TXNRD3: variants seen among roughly 807,000 people sequenced by gnomAD.
TXNRD3 encodes the protein TXNRD3 neighbor gene protein.
In TXNRD3, 68 loss-of-function variants were observed where a neutral mutation model predicts 78.2. The observed-to-expected ratio is 0.87, with a 90% CI of 0.72 to 1.06. The LOEUF is 1.06. Among genes scored for constraint, TXNRD3 ranks in the 50% least tolerant of loss-of-function variants. TXNRD3 has a pLI of 0.00. For missense variants in TXNRD3, 751 were observed against 809.5 expected (o/e 0.93, Z 0.88); for synonymous variants, 296 against 300.1 (o/e 0.99, Z 0.14).
At chr3:126,636,916 T>A (rs900708063) in intron 6 of TXNRD3, among the ~76,000 whole-genome samples, 1 of 150,718 alleles carries the variant, frequency 6.6e-6, no homozygotes, top group Admixed American at 6.6e-5. Flanking sequence ...ACATGAGGTT[T>A]CTTTTGTGAT....
chr3:126,634,501 C>A (rs1018863119), intron 6 of TXNRD3, among the ~76,000 whole-genome samples: 19 of 152,188 alleles, frequency 1.2e-4, no homozygotes, highest in Admixed American at 3.9e-4. Flanking sequence ...GTTCACAGGG[C>A]AGTGGTTTCA....
intron 5 of TXNRD3, among the ~76,000 whole-genome samples, chr3:126,643,703 A>C (rs1004722000): frequency 6.6e-6 from 1 of 151,074 alleles, no homozygotes; most frequent in South Asian, 2.1e-4. Flanking sequence ...CCTCACTAAG[A>C]CTCAGTTTCT....
At chr3:126,637,578 C>T (rs1037993571) in intron 6 of TXNRD3, among the ~76,000 whole-genome samples, 2 of 151,980 alleles carry the variant, frequency 1.3e-5, no homozygotes, top group Admixed American at 6.6e-5. Context: ...TAATTTCCTA[C>T]TTAAAATGTA....
chr3:126,631,019 G>A, intron 8 of TXNRD3, 82 bp from the exon 9 acceptor site: 1 of 1,303,356 alleles, frequency 7.7e-7, no homozygotes. Flanking sequence ...TAATGGTCTT[G>A]TGATGACTGA....
chr3:126,623,498 C>T (rs1353797689), intron 10 of TXNRD3, among the ~76,000 whole-genome samples: 2 of 152,036 alleles, frequency 1.3e-5, no homozygotes, highest in African/African-American at 2.4e-5. Context: ...GATAATTGTT[C>T]GTGATCAAGT....
At chr3:126,638,167 T>A (rs1932954426) in intron 6 of TXNRD3, among the ~76,000 whole-genome samples, 1 of 151,972 alleles carries the variant, frequency 6.6e-6, no homozygotes, top group Non-Finnish European at 1.5e-5. Flanking sequence ...ATGGTCTTGA[T>A]CTCCTGACCT....
At chr3:126,652,395 T>A (rs73197963) in intron 1 of TXNRD3, among the ~76,000 whole-genome samples, 52 of 152,302 alleles carry the variant, frequency 3.4e-4, no homozygotes, top group Middle Eastern at 3.4e-3. Flanking sequence ...AGGGATTACA[T>A]TTCAGTATTT....
intron 6 of TXNRD3, among the ~76,000 whole-genome samples, chr3:126,641,684 C>T (rs1933092490): frequency 1.3e-5 from 2 of 152,116 alleles, no homozygotes; most frequent in African/African-American, 4.8e-5. Flanking sequence ...ATATATATAA[C>T]CACTGAGAAA....
Position 126,607,323 on chromosome 3 carries a change from A to G in TXNRD3, c.*582T>C, listed in dbSNP as rs1938069841. The G allele has an allele frequency of 1.3e-5, 2 of 152,448 alleles. No individual in the cohort carries two copies. Among genetic ancestry groups the G allele is most frequent in the Admixed American group, 1.3e-4 (2 of 15,286 alleles). The allele number at this position is 152,448 out of a possible 1,614,324, so 9.4% of individuals were successfully genotyped here. ...AAGCATGAGTCAGCGTTTTGACAGT[A>G]GGTTAAATGTGCCTCAAAAAAGAAA... On this transcript the variant is annotated 3_prime_UTR_variant, in exon 16 of 16. Coordinates refer to ENST00000524230, the MANE Select transcript of TXNRD3 (RefSeq NM_052883.3).
intron 4 of TXNRD3, 55 bp downstream of exon 4, chr3:126,644,242 T>G: frequency 6.9e-7 from 1 of 1,439,200 alleles, no homozygotes; most frequent in Non-Finnish European, 9.4e-7. Context: ...GCAGAAGAAA[T>G]AGCTATGGCA....
At chr3:126,611,174 T>A (rs1192722798) in intron 13 of TXNRD3, 42 bp from the exon 14 acceptor site, 2 of 1,255,968 alleles carry the variant, frequency 1.6e-6, no homozygotes, top group African/African-American at 1.5e-5. Flanking sequence ...TTAATGTATA[T>A]GGAAACCATT....
intron 2 of TXNRD3, 148 bp downstream of exon 2, chr3:126,647,088 G>A (rs1037176523): frequency 3.6e-5 from 20 of 557,876 alleles, no homozygotes; most frequent in Non-Finnish European, 4.8e-5. Context: ...CCACATTAGG[G>A]TTCATTTTCT....
At chr3:126,634,504 T>C (rs1264310440) in intron 6 of TXNRD3, among the ~76,000 whole-genome samples, 4 of 152,202 alleles carry the variant, frequency 2.6e-5, no homozygotes, top group Non-Finnish European at 5.9e-5. Flanking sequence ...CACAGGGCAG[T>C]GGTTTCATGA....
At chr3:126,633,054 G>A (rs980145318) in intron 7 of TXNRD3, among the ~76,000 whole-genome samples, 2 of 152,066 alleles carry the variant, frequency 1.3e-5, no homozygotes, top group African/African-American at 2.4e-5. Context: ...GTTTTAAAGG[G>A]CTGACTTTAT....
intron 6 of TXNRD3, among the ~76,000 whole-genome samples, chr3:126,638,653 G>T (rs1932974479): frequency 6.6e-6 from 1 of 152,126 alleles, no homozygotes; most frequent in Non-Finnish European, 1.5e-5. Context: ...AGAATCGCTT[G>T]AACACGGGAG....
At chr3:126,619,869 GA>G (rs1042146322) in intron 12 of TXNRD3, among the ~76,000 whole-genome samples, 3 of 152,024 alleles carry the variant, frequency 2.0e-5, no homozygotes, top group Non-Finnish European at 2.9e-5. Flanking sequence ...AAAATAAAAG[GA>G]AAAAAGTCAC....
At chr3:126,652,828 A>G (rs1299473493) in intron 1 of TXNRD3, among the ~76,000 whole-genome samples, 4 of 152,238 alleles carry the variant, frequency 2.6e-5, no homozygotes, top group Admixed American at 2.0e-4. Flanking sequence ...AAGCAAATAT[A>G]AATTATTGCC....
In TXNRD3 at chr3:126,615,377, A is replaced by C. The variant is rs1163846338; in HGVS notation, c.1610T>G (p.Val537Gly). The C allele has an allele frequency of 1.3e-6, 2 of 1,490,410 alleles. No individual in the cohort carries two copies. The highest frequency in any genetic ancestry group is 1.4e-5 in the African/African-American group (1 of 70,770). 92.3% of individuals were successfully genotyped at this position (1,490,410 alleles called of 1,614,324 possible). ...TACTTCTAGATTCTCTTTTTTATAT[A>C]CTTCAATAGCTTTCTCTTCAGATAA... is the stretch of plus-strand genomic sequence containing the variant. Residue 537 changes from valine (V) to glycine (G), a missense_variant, in exon 13 of 16, where the codon GTA (valine) becomes GGA (glycine). Physicochemically the swap from Val to Gly is moderately radical, Grantham distance 109 (BLOSUM62 -3). Coordinates refer to ENST00000524230, the MANE Select transcript of TXNRD3 (RefSeq NM_052883.3).
At chr3:126,615,041 T>C (rs1198829029) in intron 13 of TXNRD3, among the ~76,000 whole-genome samples, 1 of 152,190 alleles carries the variant, frequency 6.6e-6, no homozygotes, top group Non-Finnish European at 1.5e-5. Context: ...TAGCCATTCC[T>C]ACCCCTGCAG....
Sources: allele counts gnomAD v4.1 joint callset (sites outside exome capture counted in the v4.1 genomes callset), GRCh38; gene constraint gnomAD v4.1.1; transcripts MANE v1.5; gene names NCBI Gene and HGNC (gene_info 2026-07-23, HGNC 2026-07-21).